GABRG3: variants seen among roughly 807,000 people sequenced by gnomAD.
GABRG3 encodes the protein gamma-aminobutyric acid type A receptor subunit gamma3.
Under a neutral mutation model 48.8 loss-of-function variants are expected in GABRG3, and 25 were observed. The ratio of observed to expected loss-of-function variants is 0.51; its 90% confidence interval spans 0.37 to 0.72. GABRG3 has a LOEUF of 0.72. GABRG3 is among the 30% of genes least tolerant of loss of function. The pLI is 0.00. For synonymous variants in GABRG3, 227 were observed against 217.6 expected (o/e 1.04, Z -0.38); for missense variants, 394 against 577.9 (o/e 0.68, Z 3.26).
intron 3 of GABRG3, among the ~76,000 whole-genome samples, chr15:27,193,140 C>T (rs1397792075): frequency 2.6e-5 from 4 of 152,180 alleles, no homozygotes; most frequent in Non-Finnish European, 5.9e-5. Flanking sequence ...GGGGGTGCCT[C>T]CCAGTTAGGC....
At chr15:27,275,297 G>C (rs1004046872) in intron 3 of GABRG3, among the ~76,000 whole-genome samples, 2 of 152,068 alleles carry the variant, frequency 1.3e-5, no homozygotes, top group South Asian at 4.1e-4. Flanking sequence ...AAAATTTCAT[G>C]GTTCTTTCTA....
chr15:27,124,604 C>A (rs1411200178), intron 3 of GABRG3, among the ~76,000 whole-genome samples: 6 of 152,196 alleles, frequency 3.9e-5, no homozygotes, highest in Admixed American at 3.3e-4. Context: ...ATCATCACGG[C>A]TTCCTGGTAA....
chr15:27,138,667 A>C (rs1898050919), intron 3 of GABRG3, among the ~76,000 whole-genome samples: 1 of 152,172 alleles, frequency 6.6e-6, no homozygotes. Flanking sequence ...CCTTTGTGCC[A>C]ATCCCAGGCT....
rs1379937449 is a variant in GABRG3 at position 27,352,303 on chromosome 15, G to C, written c.574+23415G>C. Among the ~76,000 whole-genome samples, 6 of 151,944 alleles carry C rather than the reference G, an allele frequency of 3.9e-5. No homozygotes were observed. Among genetic ancestry groups the C allele is most frequent in the African/African-American group, 1.5e-4 (6 of 41,308 alleles). On this transcript the variant is annotated intron_variant, in intron 5 of 9. Transcript: ENST00000615808. The surrounding 1 kb of genome is among the most constrained non-coding windows in gnomAD (Gnocchi z 4.0). ...GCGTAAATCCAGACCCATAGTGAGA[G>C]GAAGAGGACCCAGGGAGAGCACGAT...
intron 3 of GABRG3, among the ~76,000 whole-genome samples, chr15:27,164,430 G>T (rs117408072): frequency 0.081 from 12,392 of 152,154 alleles, 853 homozygotes; most frequent in African/African-American, 0.18. Context: ...ATTGGTATTA[G>T]CACATTAGTG....
intron 6 of GABRG3, among the ~76,000 whole-genome samples, chr15:27,486,324 T>A (rs573397017): frequency 1.4e-4 from 22 of 152,244 alleles, no homozygotes; most frequent in African/African-American, 5.3e-4. Flanking sequence ...CTAGTTATTA[T>A]AGTCAAAACA....
intron 6 of GABRG3, among the ~76,000 whole-genome samples, chr15:27,486,305 C>A (rs1890218310): frequency 1.3e-5 from 2 of 152,094 alleles, no homozygotes; most frequent in South Asian, 4.2e-4. Context: ...AAATAGGCTT[C>A]CCCAGAGACT....
Position 27,236,849 on chromosome 15 carries a change from G to A in GABRG3, c.271-89960G>A, listed in dbSNP as rs189358376. On this transcript the variant is annotated intron_variant, in intron 3 of 9. Transcript: ENST00000615808. The surrounding 1 kb of genome is among the most constrained non-coding windows in gnomAD (Gnocchi z 4.4). ...ACGTGTGTTTGTTTTATCAATATTC[G>A]TGATTCCTCCAATAGCTTATTGAAT... 9.9e-5 allele frequency among the ~76,000 whole-genome samples: 15 copies of A among 152,268 alleles called. No homozygotes were observed. The highest frequency in any genetic ancestry group is 4.6e-4 in the Admixed American group (7 of 15,308).
intron 3 of GABRG3, among the ~76,000 whole-genome samples, chr15:27,225,162 TTAAAA>T (rs1364470292): frequency 6.6e-6 from 1 of 152,182 alleles, no homozygotes; most frequent in Admixed American, 6.5e-5. Context: ...GTTGACTGAC[TTAAAA>T]TAATCACAAT....
intron 3 of GABRG3, among the ~76,000 whole-genome samples, chr15:27,138,991 G>A (rs958898776): frequency 3.3e-5 from 5 of 152,184 alleles, no homozygotes; most frequent in Non-Finnish European, 5.9e-5. Flanking sequence ...CCCAACAGGG[G>A]ATGGGTGGAT....
At position 27,306,459 on chromosome 15, in the gene GABRG3, CAT is replaced by C. The variant is rs1164409470; in HGVS notation, c.271-20348_271-20347del. Among the ~76,000 whole-genome samples, 71 of 138,766 alleles carry C rather than the reference CAT, an allele frequency of 5.1e-4. 2 individuals carry two copies. The highest frequency in any genetic ancestry group is 1.3e-3 in the African/African-American group (49 of 37,772). The allele number at this position is 138,766 out of a possible 152,430, so 91.0% of individuals were successfully genotyped here. ...ATACGAACATATGTCTACATATAAA[CAT>C]AAACATGTCTATATATAAACATATA... On this transcript the variant is annotated intron_variant, in intron 3 of 9. Coordinates refer to ENST00000615808, the MANE Select transcript of GABRG3 (RefSeq NM_033223.5).
chr15:27,000,182 A>G (rs997176271), intron 2 of GABRG3, among the ~76,000 whole-genome samples: 2 of 152,142 alleles, frequency 1.3e-5, no homozygotes, highest in South Asian at 4.1e-4. Context: ...GCTTCTTTGC[A>G]TGCCTACTAA....
chr15:27,191,692 G>T (rs1888313782), intron 3 of GABRG3, among the ~76,000 whole-genome samples: 1 of 152,124 alleles, frequency 6.6e-6, no homozygotes, highest in South Asian at 2.1e-4. Flanking sequence ...TTGCCAGTCT[G>T]TGTCTTTTAA....
intron 9 of GABRG3, chr15:27,530,762 T>C: frequency 2.1e-6 from 1 of 469,960 alleles, no homozygotes; most frequent in Non-Finnish European, 4.4e-6. Context: ...GCCAGACTTC[T>C]CCTCTGTGTC....
chr15:27,445,024 A>T (rs904550103), intron 5 of GABRG3, among the ~76,000 whole-genome samples: 2 of 152,064 alleles, frequency 1.3e-5, no homozygotes, highest in Admixed American at 1.3e-4. Flanking sequence ...GGCGCCTGCC[A>T]CCATGCCTGG....
At chr15:27,241,784 G>A (rs1435665897) in intron 3 of GABRG3, among the ~76,000 whole-genome samples, 1 of 152,096 alleles carries the variant, frequency 6.6e-6, no homozygotes, top group Non-Finnish European at 1.5e-5. Flanking sequence ...TTCTTCTCAC[G>A]CTATGTCTCT....
At position 27,043,597 on chromosome 15, in the gene GABRG3, C is replaced by T. The variant is rs141901420; in HGVS notation, c.270+16776C>T. ...CTGCTTCCTTCCGCCCTTTTCTGCCCGCAGAGCCCCCTCCTCTGCTCAGCT... is the reference window on the plus strand; with the variant it reads ...CTGCTTCCTTCCGCCCTTTTCTGCCTGCAGAGCCCCCTCCTCTGCTCAGCT... On this transcript the variant is annotated intron_variant, in intron 3 of 9. Transcript: ENST00000615808. 2.7e-4 allele frequency among the ~76,000 whole-genome samples: 41 copies of T among 152,282 alleles called. No homozygotes were observed. The South Asian group carries it at 6.2e-3, about 23-fold the overall frequency.
At chr15:27,016,891 G>C (rs756449693) in intron 2 of GABRG3, among the ~76,000 whole-genome samples, 3 of 151,928 alleles carry the variant, frequency 2.0e-5, no homozygotes, top group Non-Finnish European at 4.4e-5. Flanking sequence ...TAGTTCTCGT[G>C]AATTTTTAAA....
chr15:26,984,307 A>C (rs1034388249), intron 2 of GABRG3, among the ~76,000 whole-genome samples: 4 of 152,092 alleles, frequency 2.6e-5, no homozygotes, highest in African/African-American at 9.7e-5. Context: ...TACGTGGTCC[A>C]ACTGCAGCAG....
Sources: allele counts gnomAD v4.1 joint callset (sites outside exome capture counted in the v4.1 genomes callset), GRCh38; gene constraint gnomAD v4.1.1; non-coding constraint Gnocchi (gnomAD v3.1); transcripts MANE v1.5; gene names NCBI Gene and HGNC (gene_info 2026-07-23, HGNC 2026-07-21).